Variants in TMEM71 observed in about 807,000 individuals in gnomAD.
TMEM71 encodes transmembrane protein 71.
Under a neutral mutation model 38.0 loss-of-function variants are expected in TMEM71, and 44 were observed. The observed-to-expected ratio is 1.16, with a 90% CI of 0.91 to 1.49. The LOEUF is 1.49. Ranked by LOEUF, TMEM71 falls within the 40% of genes most tolerant of loss-of-function variation. TMEM71 has a pLI of 0.00. For missense variants in TMEM71, 367 were observed against 348.6 expected, an observed-to-expected ratio of 1.05 and a Z score of -0.42; for synonymous variants, 133 against 122.5, an observed-to-expected ratio of 1.09 and a Z score of -0.56.
chr8:132,775,167 T>C, the TMEM71 span, among the ~76,000 whole-genome samples: 1 of 151,886 alleles, frequency 6.6e-6, no homozygotes, highest in Non-Finnish European at 1.5e-5. Context: ...GGTCAAATAC[T>C]TCACAACTAC....
chr8:132,712,922 C>G (rs1375253677), intron 9 of TMEM71, among the ~76,000 whole-genome samples: 1 of 152,012 alleles, frequency 6.6e-6, no homozygotes, highest in Non-Finnish European at 1.5e-5. Context: ...ACAATCACAG[C>G]TCACTGCAGC....
intron 6 of TMEM71, among the ~76,000 whole-genome samples, chr8:132,724,732 G>T (rs1827043038): frequency 6.6e-6 from 1 of 152,204 alleles, no homozygotes; most frequent in Non-Finnish European, 1.5e-5. Flanking sequence ...AACAAATTAT[G>T]AAAGCATTAT....
intron 5 of TMEM71, among the ~76,000 whole-genome samples, chr8:132,730,887 G>T (rs145589981): frequency 7.8e-4 from 118 of 152,208 alleles, no homozygotes; most frequent in Non-Finnish European, 1.5e-3. Flanking sequence ...GTACATGTGT[G>T]CATGTGTGTG....
At chr8:132,769,441 G>A in the TMEM71 span, among the ~76,000 whole-genome samples, 1 of 152,178 alleles carries the variant, frequency 6.6e-6, no homozygotes, top group Non-Finnish European at 1.5e-5. Flanking sequence ...ACATCACCCA[G>A]TCTCTAGCAT....
chr8:132,737,527 T>A lies in TMEM71; in HGVS notation c.487+9415A>T, dbSNP rs1827814907. Among the ~76,000 whole-genome samples the A allele has an allele frequency of 2.0e-5, 3 of 152,358 alleles. No homozygotes were observed. In the South Asian group the frequency reaches 6.2e-4, roughly 32 times the overall value. On this transcript the variant is annotated intron_variant, in intron 5 of 9. Coordinates refer to ENST00000677595, the MANE Select transcript of TMEM71 (RefSeq NM_001382403.1). Reference sequence around the variant, plus strand: ...TCCCCAAAGAGCTTTTTCCCAGGATTAAGAGCACATGCTCAGACTTTTCTC... The same window carrying A: ...TCCCCAAAGAGCTTTTTCCCAGGATAAAGAGCACATGCTCAGACTTTTCTC...
At chr8:132,711,397 G>T (rs1826227557) in intron 9 of TMEM71, among the ~76,000 whole-genome samples, 1 of 152,126 alleles carries the variant, frequency 6.6e-6, no homozygotes. Flanking sequence ...TGGCTCAAAA[G>T]AATACACCTT....
intron 6 of TMEM71, among the ~76,000 whole-genome samples, chr8:132,726,695 T>G (rs1586789206): frequency 6.6e-6 from 1 of 152,196 alleles, no homozygotes; most frequent in East Asian, 1.9e-4. Context: ...ATGCTTAATC[T>G]GACATTAGCA....
At chr8:132,772,424 AGAG>A in the TMEM71 span, among the ~76,000 whole-genome samples, 5 of 152,176 alleles carry the variant, frequency 3.3e-5, no homozygotes, top group Non-Finnish European at 7.3e-5. Context: ...TGGGTGGAAG[AGAG>A]GAGAAGGGAC....
chr8:132,706,513 G>C (rs778839675), downstream of TMEM71, among the ~76,000 whole-genome samples: 82 of 152,018 alleles, frequency 5.4e-4, 4 homozygotes, highest in Non-Finnish European at 2.9e-4. Flanking sequence ...AATCTTTTTA[G>C]CATCTTGATG....
At chr8:132,745,908 A>G (rs1036237539) in intron 5 of TMEM71, among the ~76,000 whole-genome samples, 8 of 151,484 alleles carry the variant, frequency 5.3e-5, no homozygotes, top group African/African-American at 1.7e-4. Context: ...AAGCAAATTA[A>G]CACAGGAAGA....
chr8:132,727,532 AGGCCT>A (rs1277826098), intron 6 of TMEM71, among the ~76,000 whole-genome samples: 1 of 152,172 alleles, frequency 6.6e-6, no homozygotes, highest in African/African-American at 2.4e-5. Context: ...CTGGGATTAC[AGGCCT>A]GACCTGCCGT....
chr8:132,748,333 T>C (rs1054089839), intron 4 of TMEM71, among the ~76,000 whole-genome samples: 20 of 152,228 alleles, frequency 1.3e-4, no homozygotes, highest in African/African-American at 4.8e-4. Context: ...TGGCAGGTTT[T>C]GGAGACATTT....
rs1399698854 is a variant in TMEM71 at position 132,747,061 on chromosome 8, A to G, written c.368T>C (p.Leu123Pro). 1.2e-6 allele frequency: 2 copies of G among 1,612,968 alleles called. No individual in the cohort carries two copies. Among genetic ancestry groups the G allele is most frequent in the South Asian group, 1.1e-5 (1 of 90,850 alleles). ...ICHSFSSLFN[L>P]STSKSWLHGS... ...ATGCAGCCAAGATTTGGAGGTACTG[A>G]GGTTGAAGAGAGAAGAAAAGGAATG... Residue 123 changes from leucine to proline, a missense_variant, in exon 5 of 10, where the codon CTC becomes CCC. Leu to Pro is a moderately conservative substitution (Grantham distance 98). Transcript: ENST00000677595.
intron 5 of TMEM71, among the ~76,000 whole-genome samples, chr8:132,746,368 TATATATAC>T (rs1828348849): frequency 5.1e-5 from 1 of 19,624 alleles, no homozygotes; most frequent in African/African-American, 1.0e-4. Context: ...TACACACACA[TATATATAC>T]ATATATATAT....
the TMEM71 span, among the ~76,000 whole-genome samples, chr8:132,766,167 C>A: frequency 2.0e-5 from 3 of 152,152 alleles, no homozygotes; most frequent in African/African-American, 7.2e-5. Flanking sequence ...GGCAGTACCC[C>A]TTGTGAGGGA....
intron 4 of TMEM71, among the ~76,000 whole-genome samples, chr8:132,747,376 C>G (rs556057175): frequency 6.6e-6 from 1 of 152,200 alleles, no homozygotes; most frequent in Admixed American, 6.5e-5. Flanking sequence ...ATAGGTAATG[C>G]TTTCCTAGAG....
At chr8:132,772,558 A>C in the TMEM71 span, among the ~76,000 whole-genome samples, 4 of 152,166 alleles carry the variant, frequency 2.6e-5, no homozygotes, top group African/African-American at 9.7e-5. Flanking sequence ...ATGACATCCT[A>C]CCTGAATTTT....
chr8:132,733,167 TTTG>T (rs1369680689), intron 5 of TMEM71, among the ~76,000 whole-genome samples: 2 of 152,176 alleles, frequency 1.3e-5, no homozygotes, highest in East Asian at 1.9e-4. Context: ...TGTGTGTTTT[TTTG>T]TTGTTGTTGT....
the TMEM71 span, among the ~76,000 whole-genome samples, chr8:132,769,734 C>G: frequency 7.2e-5 from 11 of 152,318 alleles, no homozygotes; most frequent in Admixed American, 7.2e-4. Flanking sequence ...CAATTGGCAC[C>G]TTGATCTTGG....
Sources: gnomAD v4.1 joint callset for allele counts (sites outside exome capture counted in the v4.1 genomes callset) on GRCh38, gnomAD v4.1.1 for gene constraint, MANE v1.5 for transcripts, NCBI Gene and HGNC (gene_info 2026-07-23, HGNC 2026-07-21) for gene names.